Variants in ACACA observed in about 807,000 individuals in gnomAD.
ACACA encodes the protein acetyl-CoA carboxylase 1.
A neutral mutation model predicts 296.1 loss-of-function variants in ACACA; 103 were observed. The ratio of observed to expected loss-of-function variants is 0.35; its 90% CI spans 0.30 to 0.41. The LOEUF is 0.41. Ranked by LOEUF, ACACA falls within the 10% of genes least tolerant of loss-of-function variation. ACACA has a pLI of 1.00. For synonymous variants in ACACA, 953 were observed against 1,038.6 expected (o/e 0.92, Z 1.58); for missense variants, 1,554 against 2,989.7 (o/e 0.52, Z 11.20).
intron 39 of ACACA, among the ~76,000 whole-genome samples, chr17:37,186,294 A>C (rs1048479503): frequency 2.6e-5 from 4 of 152,186 alleles, no homozygotes; most frequent in African/African-American, 9.7e-5. Context: ...CCCTTAGAAC[A>C]CTGTATTTAT....
intron 3 of ACACA, chr17:37,299,497 C>T: frequency 6.8e-7 from 1 of 1,474,032 alleles, no homozygotes; most frequent in East Asian, 2.5e-5. Flanking sequence ...TGGCCTCAAA[C>T]TATAGTCTTT....
Position 37,380,673 on chromosome 17 carries a change from C to T in ACACA, c.38+25589G>A, listed in dbSNP as rs143395914. 7.0e-3 allele frequency among the ~76,000 whole-genome samples: 1,069 copies of T among 152,218 alleles called. 8 individuals are homozygous for T. The highest frequency in any genetic ancestry group is 0.025 in the African/African-American group (1,021 of 41,550). On this transcript the variant is annotated intron_variant, in intron 1 of 55. Coordinates refer to ENST00000616317, the MANE Select transcript of ACACA (RefSeq NM_198834.3). The stretch of plus-strand genomic sequence containing the variant: ...AGTCCAGTGGTGCGATCTTGGCCCA[C>T]TGCAACCTCTGCCTCCCAGGTTAAA...
chr17:37,316,810 T>A (rs907779946), intron 3 of ACACA, among the ~76,000 whole-genome samples: 3 of 152,126 alleles, frequency 2.0e-5, no homozygotes, highest in African/African-American at 7.2e-5. Context: ...AGGTAGCTCA[T>A]GTCTGTAATC....
rs148735368 is a variant in ACACA at position 37,085,646 on chromosome 17, G to A, written c.*1670C>T. The A allele has an allele frequency of 1.7e-4, 68 of 399,054 alleles. No individual in the cohort carries two copies. The highest frequency in any genetic ancestry group is 9.9e-4 in the African/African-American group (48 of 48,688). 24.7% of individuals were successfully genotyped at this position (399,054 alleles called of 1,614,324 possible). A position where few individuals can be genotyped will look rare whatever the true frequency, so the allele number is the denominator to read the frequency against. ...ACCTGTACCTTCCACCAGGGCAGCC[G>A]GGCTGAGGCTCTGACTCCTGGGGGC... On this transcript the variant is annotated 3_prime_UTR_variant, in exon 56 of 56. Transcript: ENST00000616317.
chr17:37,304,906 G>T (rs1043999923), intron 3 of ACACA, among the ~76,000 whole-genome samples: 2 of 151,770 alleles, frequency 1.3e-5, no homozygotes, highest in Non-Finnish European at 2.9e-5. Context: ...AACCAGCCTG[G>T]GCAACATGGT....
chr17:37,174,165 G>C (rs1236728634), intron 41 of ACACA, among the ~76,000 whole-genome samples: 1 of 147,800 alleles, frequency 6.8e-6, no homozygotes, highest in Non-Finnish European at 1.5e-5. Context: ...CTGGCTGTCA[G>C]CTAGTCTTTA....
intron 38 of ACACA, among the ~76,000 whole-genome samples, chr17:37,189,590 T>C (rs1028356263): frequency 6.6e-6 from 1 of 152,084 alleles, no homozygotes; most frequent in Non-Finnish European, 1.5e-5. Flanking sequence ...CCAGTGTATA[T>C]GGGTGGTTAG....
intron 41 of ACACA, among the ~76,000 whole-genome samples, chr17:37,172,551 C>T (rs1413469706): frequency 6.6e-6 from 1 of 152,076 alleles, no homozygotes; most frequent in South Asian, 2.1e-4. Context: ...AATATACTTA[C>T]TTAGAATGGG....
chr17:37,206,713 G>T, intron 32 of ACACA, 70 bp downstream of exon 32: 1 of 1,294,788 alleles, frequency 7.7e-7, no homozygotes, highest in Non-Finnish European at 1.1e-6. Context: ...TTCAAAGTCA[G>T]AAAGATAGTA....
chr17:37,177,927 T>C (rs1180358650), intron 41 of ACACA, among the ~76,000 whole-genome samples: 1 of 152,228 alleles, frequency 6.6e-6, no homozygotes, highest in African/African-American at 2.4e-5. Flanking sequence ...CACTGGCATA[T>C]TACTGAAATA....
At chr17:37,139,199 C>A (rs563470930) in intron 45 of ACACA, among the ~76,000 whole-genome samples, 1 of 152,088 alleles carries the variant, frequency 6.6e-6, no homozygotes, top group Non-Finnish European at 1.5e-5. Context: ...ATGAAGAAGA[C>A]GAAGAAACCA....
intron 1 of ACACA, among the ~76,000 whole-genome samples, chr17:37,370,190 G>C (rs528106469): frequency 4.0e-5 from 6 of 151,760 alleles, no homozygotes; most frequent in African/African-American, 1.4e-4. Flanking sequence ...ATATTTAGTA[G>C]AGACGGTGTT....
chr17:37,128,551 C>T (rs957696729), intron 47 of ACACA, among the ~76,000 whole-genome samples: 25 of 152,346 alleles, frequency 1.6e-4, no homozygotes, highest in African/African-American at 5.3e-4. Flanking sequence ...TGCTTCCTCA[C>T]ATAGTTTGAA....
At chr17:37,362,984 A>C (rs1413918367) in intron 1 of ACACA, among the ~76,000 whole-genome samples, 4 of 149,776 alleles carry the variant, frequency 2.7e-5, no homozygotes, top group South Asian at 2.1e-4. Flanking sequence ...AAAAAAAAAA[A>C]AAAAAACAAA....
chr17:37,289,383 T>C (rs2146686636), intron 3 of ACACA: 1 of 1,181,306 alleles, frequency 8.5e-7, no homozygotes, highest in Non-Finnish European at 1.1e-6. Context: ...TATTGAAAGG[T>C]AACACAGAGA....
At chr17:37,137,682 G>C (rs1434866509) in intron 45 of ACACA, among the ~76,000 whole-genome samples, 1 of 152,102 alleles carries the variant, frequency 6.6e-6, no homozygotes, top group Non-Finnish European at 1.5e-5. Context: ...AAAAGGAGTG[G>C]TTCAATTTTC....
intron 39 of ACACA, among the ~76,000 whole-genome samples, chr17:37,181,710 T>C (rs1197900380): frequency 6.6e-6 from 1 of 151,754 alleles, no homozygotes; most frequent in Non-Finnish European, 1.5e-5. Flanking sequence ...CCATCCTGGC[T>C]AACATGGTGA....
chr17:37,254,607 T>C (rs1016962493), intron 14 of ACACA, among the ~76,000 whole-genome samples: 1 of 152,162 alleles, frequency 6.6e-6, no homozygotes, highest in African/African-American at 2.4e-5. Context: ...TAAAGTTTTG[T>C]GAGGAGAGAG....
At chr17:37,158,460 T>C (rs2076337353) in intron 42 of ACACA, among the ~76,000 whole-genome samples, 1 of 152,006 alleles carries the variant, frequency 6.6e-6, no homozygotes, top group South Asian at 2.1e-4. Context: ...GGAAACCCCA[T>C]CTCTACAAAA....
Sources: gnomAD v4.1 joint callset for allele counts (sites outside exome capture counted in the v4.1 genomes callset) on GRCh38, gnomAD v4.1.1 for gene constraint, MANE v1.5 for transcripts, NCBI Gene and HGNC (gene_info 2026-07-23, HGNC 2026-07-21) for gene names.